SERINC5: variants seen among roughly 807,000 people sequenced by gnomAD.
SERINC5 encodes chromosome 5 open reading frame 12.
A neutral mutation model predicts 63.1 loss-of-function variants in SERINC5; 41 were observed. The ratio of observed to expected loss-of-function variants is 0.65; its 90% confidence interval spans 0.51 to 0.84. The LOEUF is 0.84. Among genes scored for constraint, SERINC5 ranks in the 40% least tolerant of loss-of-function variants. The probability of loss-of-function intolerance (pLI) is 0.00; values close to 1 mark genes in which losing one functional copy is unlikely to be tolerated. For missense variants in SERINC5, 523 were observed against 573.0 expected, an observed-to-expected ratio of 0.91 and a Z score of 0.89; for synonymous variants, 222 against 215.2, an observed-to-expected ratio of 1.03 and a Z score of -0.28.
chr5:80,142,954 C>T lies in SERINC5; in HGVS notation c.*709G>A. On this transcript the variant is annotated 3_prime_UTR_variant, in exon 12 of 12. Transcript: ENST00000507668. The stretch of plus-strand genomic sequence containing the variant: ...GTAGTGATAATAAGGTGGGGAACCA[C>T]CTGGGGGGTGATCAGACAAATTGTG... 1 of 985,442 alleles carries T rather than the reference C, an allele frequency of 1.0e-6. No homozygotes were observed. Among genetic ancestry groups the T allele is most frequent in the Non-Finnish European group, 1.2e-6 (1 of 829,966 alleles). 61.0% of individuals were successfully genotyped at this position (985,442 alleles called of 1,614,324 possible). A position where few individuals can be genotyped will look rare whatever the true frequency, so the allele number is the denominator to read the frequency against.
chr5:80,216,707 AT>A (rs33992928), intron 1 of SERINC5, among the ~76,000 whole-genome samples: 4 of 151,582 alleles, frequency 2.6e-5, no homozygotes, highest in South Asian at 2.1e-4. Context: ...GGTTTTAAAT[AT>A]TTTTTTTTAA....
chr5:80,144,970 G>A (rs1402989832), intron 11 of SERINC5, among the ~76,000 whole-genome samples: 2 of 150,804 alleles, frequency 1.3e-5, no homozygotes, highest in Non-Finnish European at 2.9e-5. Context: ...TGCCAGGGAA[G>A]GCCAGGTCAA....
intron 8 of SERINC5, chr5:80,156,991 T>TC (rs1280395567): frequency 3.7e-5 from 5 of 135,120 alleles, no homozygotes; most frequent in East Asian, 3.3e-4. Context: ...GGTTTTTTTT[T>TC]TCTTTTTTTT....
In SERINC5 at chr5:80,142,064, G is replaced by T; in HGVS notation, c.*1599C>A. 2.0e-6 allele frequency: 2 copies of T among 985,284 alleles called. No homozygotes were observed. The highest frequency in any genetic ancestry group is 2.4e-6 in the Non-Finnish European group (2 of 829,898). 61.0% of individuals were successfully genotyped at this position (985,284 alleles called of 1,614,324 possible). On this transcript the variant is annotated 3_prime_UTR_variant, in exon 12 of 12. Transcript: ENST00000507668. ...AATTCTGCCCAACTCATACAGTAGG[G>T]CACAGAAAAAAATGACTAGGCTGAG... is the stretch of plus-strand genomic sequence containing the variant.
intron 1 of SERINC5, among the ~76,000 whole-genome samples, chr5:80,215,853 G>A (rs758764252): frequency 1.3e-5 from 2 of 152,296 alleles, no homozygotes; most frequent in Non-Finnish European, 2.9e-5. Context: ...AGTCAGCTTT[G>A]GGGTTACAGT....
At chr5:80,114,220 G>A (rs151234941) in intron 11 of SERINC5, among the ~76,000 whole-genome samples, 73 of 152,134 alleles carry the variant, frequency 4.8e-4, no homozygotes, top group African/African-American at 1.7e-3. Flanking sequence ...AAGAAAGGAG[G>A]TTTAATTGAC....
chr5:80,250,843 CTT>C (rs768505856), intron 1 of SERINC5, among the ~76,000 whole-genome samples: 10 of 152,164 alleles, frequency 6.6e-5, no homozygotes, highest in Non-Finnish European at 1.2e-4. Flanking sequence ...TTTCCTGACT[CTT>C]GAGCCACCGC....
At chr5:80,182,054 GT>G (rs1452910929) in intron 2 of SERINC5, among the ~76,000 whole-genome samples, 2 of 152,166 alleles carry the variant, frequency 1.3e-5, no homozygotes, top group African/African-American at 4.8e-5. Context: ...ATTGTGTACG[GT>G]TTGCAATACT....
chr5:80,255,960 C>CCGCGCCGCACGGGCCCTCCTGGCTGCCT lies in SERINC5; in HGVS notation c.-66_-39dup, dbSNP rs1423277400. 2.6e-6 allele frequency: 4 copies of CCGCGCCGCACGGGCCCTCCTGGCTGCCT among 1,510,054 alleles called. No individual in the cohort carries two copies. The highest frequency in any genetic ancestry group is 4.2e-5 in the Admixed American group (2 of 47,538). 93.5% of individuals were successfully genotyped at this position (1,510,054 alleles called of 1,614,324 possible). A position where few individuals can be genotyped will look rare whatever the true frequency, so the allele number is the denominator to read the frequency against. Reference sequence around the variant, plus strand: ...TGCCGAAGGCGCGCTCGCTGGCTCCCCGCGCCGCACGGGCCCTCCTGGCTG... The same window carrying CCGCGCCGCACGGGCCCTCCTGGCTGCCT: ...TGCCGAAGGCGCGCTCGCTGGCTCCCCGCGCCGCACGGGCCCTCCTGGCTGCCTCGCGCCGCACGGGCCCTCCTGGCTG... On this transcript the variant is annotated 5_prime_UTR_variant, in exon 1 of 12. Coordinates refer to ENST00000507668, the MANE Select transcript of SERINC5 (RefSeq NM_001174072.3).
chr5:80,246,897 T>C (rs1011722542), intron 1 of SERINC5, among the ~76,000 whole-genome samples: 1 of 152,232 alleles, frequency 6.6e-6, no homozygotes, highest in African/African-American at 2.4e-5. Flanking sequence ...TTGGGATGCC[T>C]AATATTTGGG....
chr5:80,131,152 T>A (rs952831349), intron 11 of SERINC5, among the ~76,000 whole-genome samples: 2 of 152,110 alleles, frequency 1.3e-5, no homozygotes, highest in African/African-American at 2.4e-5. Context: ...ATAATTCCCA[T>A]GTGTCATGGG....
intron 1 of SERINC5, among the ~76,000 whole-genome samples, chr5:80,244,955 C>G (rs1752107602): frequency 6.6e-6 from 1 of 152,188 alleles, no homozygotes; most frequent in South Asian, 2.1e-4. Context: ...TCCAGACAAG[C>G]CAGCACTCTC....
chr5:80,168,390 G>A (rs921631053), intron 6 of SERINC5, among the ~76,000 whole-genome samples: 8 of 151,972 alleles, frequency 5.3e-5, no homozygotes, highest in African/African-American at 1.9e-4. Flanking sequence ...TTGTAGAGAC[G>A]GGGTTTCCCG....
intron 2 of SERINC5, among the ~76,000 whole-genome samples, chr5:80,193,079 G>A (rs571921052): frequency 1.7e-4 from 26 of 152,334 alleles, no homozygotes; most frequent in African/African-American, 6.0e-4. Context: ...GAAATCCCCA[G>A]CACCTTTCAG....
chr5:80,189,706 CTTT>C (rs1052118443), intron 2 of SERINC5, among the ~76,000 whole-genome samples: 4 of 151,564 alleles, frequency 2.6e-5, no homozygotes, highest in African/African-American at 7.3e-5. Context: ...CTGCTAGTTT[CTTT>C]TTTTTTCTTT....
intron 1 of SERINC5, among the ~76,000 whole-genome samples, chr5:80,235,473 A>G (rs1751644094): frequency 6.6e-6 from 1 of 152,262 alleles, no homozygotes; most frequent in South Asian, 2.1e-4. Context: ...TTCAGACATT[A>G]TGACAAAATA....
chr5:80,222,602 C>T (rs1475240754), intron 1 of SERINC5, among the ~76,000 whole-genome samples: 1 of 128,040 alleles, frequency 7.8e-6, no homozygotes, highest in Non-Finnish European at 1.6e-5. Flanking sequence ...GACGGAGTTT[C>T]GCTCTTGTTG....
intron 1 of SERINC5, among the ~76,000 whole-genome samples, chr5:80,239,159 C>G (rs115977862): frequency 0.027 from 4,043 of 152,290 alleles, 178 homozygotes; most frequent in African/African-American, 0.092. Flanking sequence ...TTCCCAGATT[C>G]TCACAACCCC....
chr5:80,222,673 A>G (rs572522065), intron 1 of SERINC5, among the ~76,000 whole-genome samples: 1 of 151,992 alleles, frequency 6.6e-6, no homozygotes, highest in African/African-American at 2.4e-5. Context: ...CCTGGGTTCA[A>G]GCAATTCTCC....
Sources: gnomAD v4.1 joint callset for allele counts (sites outside exome capture counted in the v4.1 genomes callset) on GRCh38, gnomAD v4.1.1 for gene constraint, MANE v1.5 for transcripts, NCBI Gene and HGNC (gene_info 2026-07-23, HGNC 2026-07-21) for gene names.